Variants in GALNT18 observed in about 807,000 individuals in gnomAD.
GALNT18 encodes the protein GalNAc-transferase 18.
GALNT18 carries 44 observed loss-of-function variants against 69.5 expected under a neutral mutation model. The ratio of observed to expected loss-of-function variants is 0.63; its 90% CI spans 0.50 to 0.81. The LOEUF is 0.81. GALNT18 is among the 40% of genes least tolerant of loss of function. GALNT18 has a pLI of 0.00. For synonymous variants in GALNT18, 364 were observed against 318.2 expected (o/e 1.14, Z -1.53); for missense variants, 715 against 810.0 (o/e 0.88, Z 1.42).
chr11:11,531,212 T>C lies in GALNT18; in HGVS notation c.236-82276A>G, dbSNP rs200952472. Among the ~76,000 whole-genome samples, 10 of 152,276 alleles carry C rather than the reference T, an allele frequency of 6.6e-5. No homozygotes were observed. The East Asian group carries it at 1.9e-3, about 29-fold the overall frequency. On this transcript the variant is annotated intron_variant, in intron 1 of 10. Coordinates refer to ENST00000227756, the MANE Select transcript of GALNT18 (RefSeq NM_198516.3). ...AGGCAGCGTAGAAGCCAATCATGGA[T>C]TCTCATAAGCAACTGAGGCAGCACA...
rs2133936816 is a variant in GALNT18 at position 11,595,628 on chromosome 11, A to G, written c.235+25731T>C. ...TGTGGTTTTGATTTACATTTCCCAA[A>G]TGGCTAATTATGTCCAGCATCCTTT... is the stretch of plus-strand genomic sequence containing the variant. On this transcript the variant is annotated intron_variant, in intron 1 of 10. Transcript: ENST00000227756. This position sits in a 1 kb window ranked among gnomAD's most constrained non-coding sequence, Gnocchi z 5.2. Among the ~76,000 whole-genome samples the G allele has an allele frequency of 6.6e-6, 1 of 152,342 alleles. No individual in the cohort carries two copies. Among genetic ancestry groups the G allele is most frequent in the South Asian group, 2.1e-4 (1 of 4,832 alleles).
In GALNT18 at chr11:11,604,462, A is replaced by C. The variant is rs1383338019; in HGVS notation, c.235+16897T>G. On this transcript the variant is annotated intron_variant, in intron 1 of 10. Transcript: ENST00000227756. The surrounding 1 kb of genome is among the most constrained non-coding windows in gnomAD (Gnocchi z 5.6). ...AGGACAGGGTGGACAAGCGATCTAC[A>C]TCCAGCCCTAGACACCCAGGCAGCT... 6.6e-6 allele frequency among the ~76,000 whole-genome samples: 1 copy of C among 152,120 alleles called. No individual in the cohort carries two copies. Among genetic ancestry groups the C allele is most frequent in the Non-Finnish European group, 1.5e-5 (1 of 68,030 alleles).
chr11:11,586,219 G>T lies in GALNT18; in HGVS notation c.235+35140C>A, dbSNP rs2044931076. Among the ~76,000 whole-genome samples the T allele has an allele frequency of 6.6e-6, 1 of 152,130 alleles. No individual in the cohort carries two copies. Among genetic ancestry groups the T allele is most frequent in the Admixed American group, 6.5e-5 (1 of 15,272 alleles). On this transcript the variant is annotated intron_variant, in intron 1 of 10. Coordinates refer to ENST00000227756, the MANE Select transcript of GALNT18 (RefSeq NM_198516.3). This position sits in a 1 kb window ranked among gnomAD's most constrained non-coding sequence, Gnocchi z 4.1. ...TGGACTAAAACAAATTGTACCAAGA[G>T]TCTGTAGTTCTTTTTCACAAAAAGT...
intron 6 of GALNT18, chr11:11,352,510 C>T (rs756355510): frequency 6.2e-7 from 1 of 1,614,122 alleles, no homozygotes; most frequent in Non-Finnish European, 8.5e-7. Flanking sequence ...TGATAGTCTA[C>T]AAGTAGCTCA....
In GALNT18 at chr11:11,386,818, G is replaced by A. The variant is rs531134037; in HGVS notation, c.596-7554C>T. On this transcript the variant is annotated intron_variant, in intron 3 of 10. Coordinates refer to ENST00000227756, the MANE Select transcript of GALNT18 (RefSeq NM_198516.3). ...TAAGTCCAACTAGGCTGTCCCCAGA[G>A]TCCATACTGTCCACCTCTACACTCT... 2.0e-5 allele frequency among the ~76,000 whole-genome samples: 3 copies of A among 152,294 alleles called. 1 individual carries two copies. In the South Asian group the frequency reaches 6.2e-4, roughly 32 times the overall value.
chr11:11,570,733 A>G lies in GALNT18; in HGVS notation c.235+50626T>C, dbSNP rs1317657762. ...ACTGACCCATTTAATATCAGGCTTC[A>G]GCCCAAGTGTTGTGAAAAGGCAATG... On this transcript the variant is annotated intron_variant, in intron 1 of 10. Transcript: ENST00000227756. 6.6e-5 allele frequency among the ~76,000 whole-genome samples: 10 copies of G among 152,230 alleles called. No individual in the cohort carries two copies. In the East Asian group the frequency reaches 1.7e-3, roughly 26 times the overall value.
At chr11:11,379,818 G>A (rs1459014273) in intron 3 of GALNT18, among the ~76,000 whole-genome samples, 1 of 152,240 alleles carries the variant, frequency 6.6e-6, no homozygotes, top group African/African-American at 2.4e-5. Context: ...CATGTGAGTA[G>A]CTGGTGTTGG....
In GALNT18 at chr11:11,587,180, A is replaced by G. The variant is rs1293984843; in HGVS notation, c.235+34179T>C. 4.6e-5 allele frequency among the ~76,000 whole-genome samples: 7 copies of G among 152,148 alleles called. No homozygotes were observed. Among genetic ancestry groups the G allele is most frequent in the Non-Finnish European group, 8.8e-5 (6 of 68,032 alleles). ...CAGCAATTTGCTCTAGCACTATATG[A>G]CTGGTTCTGATTGGACACTGCCAAA... On this transcript the variant is annotated intron_variant, in intron 1 of 10. Transcript: ENST00000227756. The surrounding 1 kb of genome is among the most constrained non-coding windows in gnomAD (Gnocchi z 4.4).
Position 11,332,436 on chromosome 11 carries a change from G to A in GALNT18, c.1416+258C>T, listed in dbSNP as rs986000448. On this transcript the variant is annotated intron_variant, in intron 8 of 10. Coordinates refer to ENST00000227756, the MANE Select transcript of GALNT18 (RefSeq NM_198516.3). This position sits in a 1 kb window ranked among gnomAD's most constrained non-coding sequence, Gnocchi z 4.3. ...TGCTTTATTATGTGTTTTATTAAGC[G>A]GAATATGCAGGTGTGGGGCCAGAGC... Among the ~76,000 whole-genome samples the A allele has an allele frequency of 7.9e-5, 12 of 152,096 alleles. No individual in the cohort carries two copies. The highest frequency in any genetic ancestry group is 3.9e-4 in the East Asian group (2 of 5,194).
chr11:11,579,183 G>A (rs981561824), intron 1 of GALNT18, among the ~76,000 whole-genome samples: 21 of 152,166 alleles, frequency 1.4e-4, no homozygotes, highest in African/African-American at 4.8e-4. Context: ...GCTGAGTGGC[G>A]GTGATGGCAA....
intron 1 of GALNT18, among the ~76,000 whole-genome samples, chr11:11,585,872 C>T (rs549288340): frequency 6.6e-4 from 100 of 151,054 alleles, no homozygotes; most frequent in South Asian, 2.7e-3. Flanking sequence ...GGCCCCCCAC[C>T]CACACACAAA....
chr11:11,577,804 A>T (rs1858962510), intron 1 of GALNT18, among the ~76,000 whole-genome samples: 1 of 152,208 alleles, frequency 6.6e-6, no homozygotes. Flanking sequence ...TTGGGAAGTG[A>T]TTAAATAGAA....
intron 9 of GALNT18, among the ~76,000 whole-genome samples, chr11:11,323,096 G>A (rs1031625439): frequency 2.0e-5 from 3 of 152,180 alleles, no homozygotes; most frequent in Non-Finnish European, 4.4e-5. Flanking sequence ...GCACAATGCA[G>A]TCCATAACAT....
At chr11:11,405,668 G>A (rs1854573522) in intron 3 of GALNT18, among the ~76,000 whole-genome samples, 1 of 152,242 alleles carries the variant, frequency 6.6e-6, no homozygotes, top group Non-Finnish European at 1.5e-5. Flanking sequence ...GACCACAAGT[G>A]GGGGCCCTCT....
At position 11,379,072 on chromosome 11, in the gene GALNT18, G is replaced by T. The variant is rs779756264; in HGVS notation, c.779+9C>A. ...TGGGACTCCTCCTCCTCTCCCAAGG[G>T]GCACTTACCAGCCCACATTGAACTC... On this transcript the variant is annotated intron_variant, in intron 4 of 10. Transcript: ENST00000227756. The T allele has an allele frequency of 6.3e-6, 10 of 1,581,128 alleles. 1 individual carries two copies. In the South Asian group the frequency reaches 1.0e-4, roughly 16 times the overall value.
chr11:11,276,544 C>T (rs1184076684), intron 10 of GALNT18, among the ~76,000 whole-genome samples: 2 of 152,170 alleles, frequency 1.3e-5, no homozygotes, highest in Admixed American at 1.3e-4. Flanking sequence ...TGCCTGACTT[C>T]CCTGGCCAGA....
intron 3 of GALNT18, among the ~76,000 whole-genome samples, chr11:11,386,111 A>G (rs908150178): frequency 6.6e-6 from 1 of 152,180 alleles, no homozygotes; most frequent in African/African-American, 2.4e-5. Flanking sequence ...CGGAAGTATG[A>G]AACAATGTCT....
chr11:11,274,204 G>C (rs968839870), intron 10 of GALNT18, among the ~76,000 whole-genome samples: 1 of 152,194 alleles, frequency 6.6e-6, no homozygotes, highest in Non-Finnish European at 1.5e-5. Context: ...CCAGGACCAG[G>C]TGTCTATACC....
intron 1 of GALNT18, among the ~76,000 whole-genome samples, chr11:11,574,909 C>T (rs554148130): frequency 6.6e-6 from 1 of 152,312 alleles, no homozygotes; most frequent in Non-Finnish European, 1.5e-5. Context: ...GCCTCTCAGA[C>T]CCAAAGCATG....
Sources: allele counts gnomAD v4.1 joint callset (sites outside exome capture counted in the v4.1 genomes callset), GRCh38; gene constraint gnomAD v4.1.1; non-coding constraint Gnocchi (gnomAD v3.1); transcripts MANE v1.5; gene names NCBI Gene and HGNC (gene_info 2026-07-23, HGNC 2026-07-21).